The following GSE1 variants were observed in gnomAD, a reference collection of about 807,000 sequenced individuals.
GSE1 encodes the protein Gse1 coiled-coil protein.
GSE1 carries 32 observed loss-of-function variants against 112.6 expected under a neutral mutation model. The observed-to-expected ratio is 0.28, with a 90% CI of 0.21 to 0.38. The LOEUF (loss-of-function observed/expected upper bound fraction) is 0.38, where lower values mean the gene tolerates loss of function less well. Ranked by LOEUF, GSE1 falls within the 10% of genes least tolerant of loss-of-function variation. The pLI is 1.00. For synonymous variants in GSE1, 1,115 were observed against 735.6 expected, an observed-to-expected ratio of 1.52 and a Z score of -8.35; for missense variants, 2,348 against 1,699.2, an observed-to-expected ratio of 1.38 and a Z score of -6.71.
chr16:85,246,486 CA>C (rs1399130199), intron 1 of GSE1, among the ~76,000 whole-genome samples: 6 of 127,118 alleles, frequency 4.7e-5, no homozygotes, highest in Non-Finnish European at 8.8e-5. Flanking sequence ...CACACACACA[CA>C]CACACTCTAC....
At chr16:85,239,718 A>G (rs2143917547) in intron 1 of GSE1, among the ~76,000 whole-genome samples, 1 of 152,332 alleles carries the variant, frequency 6.6e-6, no homozygotes, top group South Asian at 2.1e-4. Context: ...GGGGAGACAC[A>G]GGGACACAGC....
intron 1 of GSE1, among the ~76,000 whole-genome samples, chr16:85,617,735 C>T (rs2048468983): frequency 6.6e-6 from 1 of 151,846 alleles, no homozygotes. Flanking sequence ...CCAGAAGGGC[C>T]TTCTGCTGGG....
chr16:85,665,146 C>G lies in GSE1; in HGVS notation c.2758+18C>G. The G allele has an allele frequency of 7.1e-7, 1 of 1,405,966 alleles. No individual in the cohort carries two copies. The highest frequency in any genetic ancestry group is 1.2e-5 in the South Asian group (1 of 86,804). 87.1% of individuals were successfully genotyped at this position (1,405,966 alleles called of 1,614,324 possible). On this transcript the variant is annotated intron_variant, in intron 12 of 15. Transcript: ENST00000253458. ...CCTGAGTGGTAAGGGAAGGATAGCC[C>G]CACCTGCCACCACCCAGGACCATCC...
At chr16:85,621,293 T>G (rs1224369387) in intron 1 of GSE1, among the ~76,000 whole-genome samples, 2 of 152,204 alleles carry the variant, frequency 1.3e-5, no homozygotes, top group Non-Finnish European at 2.9e-5. Context: ...GTTTAGATGG[T>G]CTTGGCCTTG....
intron 1 of GSE1, among the ~76,000 whole-genome samples, chr16:85,201,409 G>A (rs1284562811): frequency 6.6e-6 from 1 of 150,468 alleles, no homozygotes; most frequent in Non-Finnish European, 1.5e-5. Context: ...TGTAATCCCA[G>A]CACTTTGGGA....
chr16:85,656,547 G>A lies in GSE1; in HGVS notation c.1194G>A (p.Leu398=), dbSNP rs2051970730. The A allele has an allele frequency of 3.9e-6, 6 of 1,548,786 alleles. No individual in the cohort carries two copies. Among genetic ancestry groups the A allele is most frequent in the Non-Finnish European group, 3.5e-6 (4 of 1,146,484 alleles). The change falls in exon 7 of 16, where the codon CTG becomes CTA. Residue 398 remains leucine, a synonymous_variant. Coordinates refer to ENST00000253458, the MANE Select transcript of GSE1 (RefSeq NM_014615.5). ...AGCAGCGGGCCCGGGAGAAGGAGCT[G>A]CTGGCCGCCAAGGCCCTGGAGCCCA... The part of the protein sequence containing the change: ...QREQRAREKE[L]LAAKALEPSF...
chr16:85,170,468 G>C (rs1274678704), exon 1 of GSE1: 2 of 985,496 alleles, frequency 2.0e-6, no homozygotes, highest in Non-Finnish European at 2.4e-6. Context: ...ACCCTACGGG[G>C]CTTCTGCACC....
chr16:85,294,638 TCTCTCTC>T (rs2045314139), intron 1 of GSE1, among the ~76,000 whole-genome samples: 1 of 139,954 alleles, frequency 7.1e-6, no homozygotes, highest in Non-Finnish European at 1.5e-5. Context: ...TCTCTCTCTC[TCTCTCTC>T]TCTCTCTCTC....
chr16:85,531,790 G>T (rs867256508), intron 2 of GSE1, among the ~76,000 whole-genome samples: 1 of 152,216 alleles, frequency 6.6e-6, no homozygotes, highest in Non-Finnish European at 1.5e-5. Flanking sequence ...CTCAGGGAGG[G>T]GCCAGGTGCT....
intron 1 of GSE1, among the ~76,000 whole-genome samples, chr16:85,567,807 C>G (rs2045823299): frequency 6.6e-6 from 1 of 152,216 alleles, no homozygotes; most frequent in Non-Finnish European, 1.5e-5. Context: ...ACTGCAGCCT[C>G]TACCTCTTGG....
intron 1 of GSE1, among the ~76,000 whole-genome samples, chr16:85,244,362 G>A (rs553977487): frequency 6.6e-6 from 1 of 152,150 alleles, no homozygotes; most frequent in African/African-American, 2.4e-5. Context: ...GAAAAGAAAC[G>A]AGATGTTTCT....
chr16:85,459,354 C>T (rs1280234825), intron 2 of GSE1, among the ~76,000 whole-genome samples: 3 of 152,206 alleles, frequency 2.0e-5, no homozygotes, highest in Non-Finnish European at 2.9e-5. Flanking sequence ...AGACCCATCC[C>T]GTGCCCAGCT....
At chr16:85,663,225 C>G (rs2151968733) in intron 10 of GSE1, 119 bp from the exon 11 acceptor site, 1 of 1,335,892 alleles carries the variant, frequency 7.5e-7, no homozygotes, top group Non-Finnish European at 1.0e-6. Context: ...AAGCTCTTCT[C>G]CCACCAGGCG....
At chr16:85,181,731 A>C (rs1440569154) in intron 1 of GSE1, among the ~76,000 whole-genome samples, 1 of 152,068 alleles carries the variant, frequency 6.6e-6, no homozygotes, top group Non-Finnish European at 1.5e-5. Context: ...TGGGGCCTCC[A>C]CACTTCCAGA....
At chr16:85,255,625 G>A (rs1422510988) in intron 1 of GSE1, among the ~76,000 whole-genome samples, 3 of 151,862 alleles carry the variant, frequency 2.0e-5, no homozygotes, top group African/African-American at 4.8e-5. Flanking sequence ...GGCTGGTGTC[G>A]AACTCCTGAC....
At chr16:85,623,439 G>A (rs2048866570) in intron 1 of GSE1, among the ~76,000 whole-genome samples, 1 of 152,186 alleles carries the variant, frequency 6.6e-6, no homozygotes, top group Non-Finnish European at 1.5e-5. Flanking sequence ...TGAGGCTCAG[G>A]CCATGCGGTG....
At chr16:85,321,003 T>G (rs1243415702) in intron 1 of GSE1, among the ~76,000 whole-genome samples, 1 of 152,202 alleles carries the variant, frequency 6.6e-6, no homozygotes, top group Non-Finnish European at 1.5e-5. Flanking sequence ...CGTGGCTTAG[T>G]TTCCTCTGCG....
intron 1 of GSE1, among the ~76,000 whole-genome samples, chr16:85,258,257 C>T (rs1449487371): frequency 6.6e-6 from 1 of 152,244 alleles, no homozygotes; most frequent in African/African-American, 2.4e-5. Context: ...CATCGCACCG[C>T]TGGGAGCAGC....
intron 2 of GSE1, among the ~76,000 whole-genome samples, chr16:85,539,925 T>C (rs1349356471): frequency 1.3e-5 from 2 of 152,226 alleles, no homozygotes; most frequent in Non-Finnish European, 2.9e-5. Context: ...GCCTGTGACC[T>C]GGTGAGAGGT....
Sources: gnomAD v4.1 joint callset for allele counts (sites outside exome capture counted in the v4.1 genomes callset) on GRCh38, gnomAD v4.1.1 for gene constraint, MANE v1.5 for transcripts, NCBI Gene and HGNC (gene_info 2026-07-23, HGNC 2026-07-21) for gene names.